ACSM1: variants seen among roughly 807,000 people sequenced by gnomAD.
ACSM1 encodes the protein acyl-CoA synthetase medium chain family member 1, also known as acyl-coenzyme A synthetase ACSM1, mitochondrial.
A neutral mutation model predicts 75.8 loss-of-function variants in ACSM1; 79 were observed. The observed-to-expected ratio is 1.04, with a 90% CI of 0.87 to 1.26. ACSM1 has a LOEUF of 1.26. Among genes scored for constraint, ACSM1 ranks in the 50% most tolerant of loss-of-function variants. The pLI is 0.00. For synonymous variants in ACSM1, 279 were observed against 265.8 expected, an observed-to-expected ratio of 1.05 and a Z score of -0.48; for missense variants, 676 against 720.1, an observed-to-expected ratio of 0.94 and a Z score of 0.70.
rs771459187 is a variant in ACSM1 at position 20,636,835 on chromosome 16, A to G, written c.1203T>C (p.Ile401=). 6.2e-7 allele frequency: 1 copy of G among 1,613,452 alleles called. No homozygotes were observed. The highest frequency in any genetic ancestry group is 8.5e-7 in the Non-Finnish European group (1 of 1,179,708). The stretch of plus-strand genomic sequence containing the variant: ...GTGGCAGGATGCTGCCCTTGTCATC[A>G]ATGACCTGTAGCAAGAGGCCTGTGA... The part of the protein sequence containing the change: ...KATPPYDVQV[I]DDKGSILPPN... Residue 401 remains isoleucine (I), a synonymous_variant, in exon 10 of 14, where the codon ATT becomes ATC. Transcript: ENST00000520010.
rs368053483 is a variant in ACSM1 at position 20,651,392 on chromosome 16, G to A, written c.992+10402C>T. ...GCCTGCAATCCCAGCACTTCAGGAG[G>A]CCGAGGTGGGCACATTACCTGAGGT... On this transcript the variant is annotated intron_variant, in intron 7 of 13. Coordinates refer to ENST00000520010, the MANE Select transcript of ACSM1 (RefSeq NM_001318890.3). Among the ~76,000 whole-genome samples the A allele has an allele frequency of 5.9e-5, 9 of 152,250 alleles. No homozygotes were observed. The East Asian group carries it at 1.2e-3, about 20-fold the overall frequency.
chr16:20,652,241 A>T (rs2018686005), intron 7 of ACSM1, among the ~76,000 whole-genome samples: 1 of 152,124 alleles, frequency 6.6e-6, no homozygotes, highest in South Asian at 2.1e-4. Context: ...CACTTGTCAT[A>T]ATTTAGGATT....
chr16:20,682,042 T>C (rs2079456488), intron 4 of ACSM1: 2 of 496,102 alleles, frequency 4.0e-6, no homozygotes, highest in South Asian at 4.9e-5. Flanking sequence ...TGTAGTAAGC[T>C]TCCCCCTGCA....
intron 10 of ACSM1, among the ~76,000 whole-genome samples, chr16:20,632,820 T>C (rs56225212): frequency 6.6e-6 from 1 of 152,166 alleles, no homozygotes; most frequent in African/African-American, 2.4e-5. Flanking sequence ...AGAAACACTT[T>C]AAAAGAATTA....
intron 4 of ACSM1, among the ~76,000 whole-genome samples, chr16:20,673,280 A>C (rs1482565867): frequency 6.6e-6 from 1 of 151,900 alleles, no homozygotes; most frequent in Non-Finnish European, 1.5e-5. Flanking sequence ...CAAGGCTTCT[A>C]TGGTGTTCAA....
chr16:20,635,632 CT>C (rs2017655260), intron 10 of ACSM1, among the ~76,000 whole-genome samples: 1 of 115,764 alleles, frequency 8.6e-6, no homozygotes, highest in Admixed American at 8.4e-5. Flanking sequence ...TTCTTTCTTT[CT>C]TTCTTTCTTT....
intron 7 of ACSM1, among the ~76,000 whole-genome samples, chr16:20,660,775 C>G (rs952593219): frequency 6.6e-6 from 1 of 152,154 alleles, no homozygotes; most frequent in African/African-American, 2.4e-5. Flanking sequence ...ATTTCAGAGT[C>G]CCTAAAAGAT....
chr16:20,691,872 T>C (rs1208547858), intron 1 of ACSM1, among the ~76,000 whole-genome samples: 2 of 151,916 alleles, frequency 1.3e-5, no homozygotes, highest in East Asian at 3.9e-4. Flanking sequence ...GTGTGCTGTT[T>C]GTGGTTATGA....
chr16:20,635,640 CTTTCTTTCTTTCA>C (rs2017658734), intron 10 of ACSM1, among the ~76,000 whole-genome samples: 1 of 76,106 alleles, frequency 1.3e-5, no homozygotes, highest in African/African-American at 6.7e-5. Flanking sequence ...TTCTTTCTTT[CTTTCTTTCTTTCA>C]TTTTGAGATG....
At chr16:20,643,553 G>C (rs1254201109) in intron 7 of ACSM1, among the ~76,000 whole-genome samples, 2 of 152,200 alleles carry the variant, frequency 1.3e-5, no homozygotes, top group Admixed American at 6.5e-5. Context: ...CTCGTGGTGA[G>C]TGTTACAGCT....
chr16:20,675,402 T>C (rs947204277), intron 4 of ACSM1, among the ~76,000 whole-genome samples: 1 of 152,036 alleles, frequency 6.6e-6, no homozygotes, highest in Non-Finnish European at 1.5e-5. Context: ...ATATGGCTGA[T>C]AGGTTGAGCT....
intron 4 of ACSM1, chr16:20,676,294 G>T (rs1957775219): frequency 6.6e-6 from 1 of 152,206 alleles, no homozygotes; most frequent in South Asian, 2.1e-4. Context: ...CTACAAAAGT[G>T]CCAAGAAGCC....
At chr16:20,629,720 G>T (rs1049628983) in intron 10 of ACSM1, among the ~76,000 whole-genome samples, 1 of 152,150 alleles carries the variant, frequency 6.6e-6, no homozygotes, top group Non-Finnish European at 1.5e-5. Context: ...TCCACTGGGC[G>T]TGGTGGCTCA....
chr16:20,625,642 G>A (rs2016879258), intron 11 of ACSM1, 120 bp from the exon 12 acceptor site: 1 of 826,272 alleles, frequency 1.2e-6, no homozygotes, highest in Non-Finnish European at 1.9e-6. Context: ...GGAAGCCAGG[G>A]ACCCCTGACT....
intron 2 of ACSM1, among the ~76,000 whole-genome samples, chr16:20,688,661 T>C (rs2079597545): frequency 6.6e-6 from 1 of 152,002 alleles, no homozygotes; most frequent in African/African-American, 2.4e-5. Context: ...ACCAAGAATT[T>C]TACATCCAGA....
At chr16:20,694,375 A>C (rs1395354493) in intron 1 of ACSM1, among the ~76,000 whole-genome samples, 1 of 152,242 alleles carries the variant, frequency 6.6e-6, no homozygotes, top group Non-Finnish European at 1.5e-5. Context: ...TGAGTAAATT[A>C]AATTTACATT....
In ACSM1 at chr16:20,685,415, C is replaced by T. The variant is rs2079529535; in HGVS notation, c.193-12G>A. 6.2e-7 allele frequency: 1 copy of T among 1,612,072 alleles called. No homozygotes were observed. On this transcript the variant is annotated splice_polypyrimidine_tract_variant and intron_variant, in intron 2 of 13. Transcript: ENST00000520010. ...CCTCTCTTGCCCTCCTGGTCAAGAC[C>T]ATATATTATGTGTTATTTTCTGCTT...
rs557720276 is a variant in ACSM1, at chr16:20,668,907, G to A, written c.912+920C>T. Among the ~76,000 whole-genome samples the A allele has an allele frequency of 5.9e-5, 9 of 152,264 alleles. No individual in the cohort carries two copies. In the South Asian group the frequency reaches 8.3e-4, roughly 14 times the overall value. ...TACGGACTGAGGGTGTAAAACTAGC[G>A]AAAAGTGAGAGACTGAAAATACAGG... is the stretch of plus-strand genomic sequence containing the variant. On this transcript the variant is annotated intron_variant, in intron 6 of 13. Coordinates refer to ENST00000520010, the MANE Select transcript of ACSM1 (RefSeq NM_001318890.3).
intron 7 of ACSM1, among the ~76,000 whole-genome samples, chr16:20,655,738 C>T (rs1343198572): frequency 6.6e-6 from 1 of 152,198 alleles, no homozygotes; most frequent in Non-Finnish European, 1.5e-5. Flanking sequence ...TCTCAGCTCA[C>T]TGCAACCTCC....
Sources: allele counts gnomAD v4.1 joint callset (sites outside exome capture counted in the v4.1 genomes callset), GRCh38; gene constraint gnomAD v4.1.1; transcripts MANE v1.5; gene names NCBI Gene and HGNC (gene_info 2026-07-23, HGNC 2026-07-21).